The following CASQ1 variants were observed in gnomAD, a reference collection of about 807,000 sequenced individuals.
CASQ1 encodes the protein calsequestrin 1.
In CASQ1, 40 loss-of-function variants were observed where a neutral mutation model predicts 49.5. The observed-to-expected ratio is 0.81, with a 90% CI of 0.63 to 1.05. The LOEUF is 1.05. Ranked by LOEUF, CASQ1 falls within the 50% of genes least tolerant of loss-of-function variation. The probability of loss-of-function intolerance (pLI) is 0.00; values close to 1 mark genes in which losing one functional copy is unlikely to be tolerated. For synonymous variants in CASQ1, 174 were observed against 187.2 expected (o/e 0.93, Z 0.58); for missense variants, 469 against 486.9 (o/e 0.96, Z 0.35).
intron 8 of CASQ1, 63 bp from the exon 9 acceptor site, chr1:160,198,890 T>C: frequency 8.3e-7 from 1 of 1,205,926 alleles, no homozygotes; most frequent in Admixed American, 1.7e-5. Context: ...TCTGCACTCC[T>C]GTTTCACCTG....
chr1:160,199,036 C>A lies in CASQ1; in HGVS notation c.967C>A (p.Pro323Thr), dbSNP rs1654308054. The change falls in exon 9 of 11, where the codon CCT (proline) becomes ACT (threonine). Residue 323 changes from proline to threonine, a missense_variant. Pro to Thr is a conservative substitution (Grantham distance 38). Coordinates refer to ENST00000368078, the MANE Select transcript of CASQ1 (RefSeq NM_001231.5). The stretch of plus-strand genomic sequence containing the variant: ...AGATCTTAGCATCATCTGGATTGAC[C>A]CTGATGACTTCCCCCTGGTAAGAGG... ...NPDLSIIWIDPDDFPLLVPYW... is the reference protein window; with the variant it reads ...NPDLSIIWIDTDDFPLLVPYW... 1 of 1,606,360 alleles carries A rather than the reference C, an allele frequency of 6.2e-7. No individual in the cohort carries two copies. Among genetic ancestry groups the A allele is most frequent in the African/African-American group, 1.3e-5 (1 of 74,728 alleles).
intron 2 of CASQ1, 46 bp downstream of exon 2, chr1:160,192,932 G>C (rs753763380): frequency 2.0e-6 from 3 of 1,532,014 alleles, no homozygotes; most frequent in Non-Finnish European, 2.7e-6. Context: ...ATTGAGACAA[G>C]GGGAGGCTTA....
intron 3 of CASQ1, among the ~76,000 whole-genome samples, chr1:160,194,701 C>A (rs1050024252): frequency 6.6e-6 from 1 of 150,870 alleles, no homozygotes; most frequent in Non-Finnish European, 1.5e-5. Context: ...ACCTACATAC[C>A]GAACACTACA....
chr1:160,195,305 A>C (rs2275703), intron 4 of CASQ1, among the ~76,000 whole-genome samples, 156 bp from the exon 5 acceptor site: 58,213 of 151,768 alleles, frequency 0.38, 12,533 homozygotes, highest in Non-Finnish European at 0.49. Context: ...CCAGACAAGC[A>C]CCTCCAGTAT....
chr1:160,197,001 C>G (rs1654258553), intron 6 of CASQ1, among the ~76,000 whole-genome samples: 1 of 152,168 alleles, frequency 6.6e-6, no homozygotes, highest in Non-Finnish European at 1.5e-5. Context: ...TTATCTGGCT[C>G]CAAATGGCAA....
At chr1:160,192,764 T>A in intron 1 of CASQ1, 38 bp from the exon 2 acceptor site, 1 of 1,584,070 alleles carries the variant, frequency 6.3e-7, no homozygotes, top group South Asian at 1.1e-5. Flanking sequence ...ATAATAAAAA[T>A]TCCAGGGGCT....
intron 3 of CASQ1, 144 bp downstream of exon 3, chr1:160,193,991 A>T (rs774785200): frequency 1.3e-5 from 8 of 605,636 alleles, no homozygotes; most frequent in Non-Finnish European, 2.4e-5. Flanking sequence ...CATACACCAC[A>T]CGCACACACA....
Position 160,195,048 on chromosome 1 carries a change from C to A in CASQ1, c.502C>A (p.Arg168=). The A allele has an allele frequency of 6.2e-7, 1 of 1,612,926 alleles. No homozygotes were observed. Among genetic ancestry groups the A allele is most frequent in the South Asian group, 1.1e-5 (1 of 90,948 alleles). ...EDPVELIEGE[R]ELQAFENIED... ...CCCTGTGGAATTGATTGAAGGTGAA[C>A]GAGAGCTGCAGGCGTTTGAGAATAT... Residue 168 remains arginine, a synonymous_variant, in exon 4 of 11, where the codon CGA becomes AGA. Transcript: ENST00000368078.
In CASQ1 at chr1:160,201,868, A is replaced by G. The variant is rs1053540165; in HGVS notation, c.*492A>G. Reference sequence around the variant, plus strand: ...GGTCAAATGAGAGGCCTCAATAAAGACATCTGGGGCAGCATGAACAAGTGT... The same window carrying G: ...GGTCAAATGAGAGGCCTCAATAAAGGCATCTGGGGCAGCATGAACAAGTGT... On this transcript the variant is annotated 3_prime_UTR_variant, in exon 11 of 11. Coordinates refer to ENST00000368078, the MANE Select transcript of CASQ1 (RefSeq NM_001231.5). 6.3e-6 allele frequency: 1 copy of G among 157,886 alleles called. No homozygotes were observed. Among genetic ancestry groups the G allele is most frequent in the Non-Finnish European group, 1.4e-5 (1 of 71,172 alleles). The allele number at this position is 157,886 out of a possible 1,614,324, so 9.8% of individuals were successfully genotyped here. A position where few individuals can be genotyped will look rare whatever the true frequency, so the allele number is the denominator to read the frequency against.
chr1:160,197,745 G>T, intron 7 of CASQ1, 131 bp downstream of exon 7: 1 of 692,854 alleles, frequency 1.4e-6, no homozygotes, highest in Admixed American at 2.1e-5. Context: ...CCAGCTGGGT[G>T]TGGTGGCTCA....
At chr1:160,193,580 G>C (rs1654130335) in intron 2 of CASQ1, among the ~76,000 whole-genome samples, 167 bp from the exon 3 acceptor site, 1 of 152,104 alleles carries the variant, frequency 6.6e-6, no homozygotes, top group South Asian at 2.1e-4. Context: ...CAGGCCTGTC[G>C]GCCTCTGGGT....
intron 1 of CASQ1, among the ~76,000 whole-genome samples, chr1:160,192,222 G>A (rs2101671097): frequency 6.6e-6 from 1 of 152,038 alleles, no homozygotes; most frequent in Admixed American, 6.5e-5. Flanking sequence ...GAACTGTCCG[G>A]TCGCTGTCAG....
rs1654274062 is a variant in CASQ1, at chr1:160,197,669, TCAAGTCCTAGAAAAACCCCACCCTAC to T, written c.828+56_828+81del. On this transcript the variant is annotated intron_variant, in intron 7 of 10. Transcript: ENST00000368078. ...CAGGGAAGCATGGGTGCCAGAAGACTCAAGTCCTAGAAAAACCCCACCCTACTGCTCCTCAGGCCCATTTTTAGAAA... is the reference window on the plus strand; with the variant it reads ...CAGGGAAGCATGGGTGCCAGAAGACTTGCTCCTCAGGCCCATTTTTAGAAA... 57 of 1,275,390 alleles carry T rather than the reference TCAAGTCCTAGAAAAACCCCACCCTAC, an allele frequency of 4.5e-5. 2 individuals carry two copies. The Middle Eastern group carries it at 1.7e-3, about 37-fold the overall frequency. 79.0% of individuals were successfully genotyped at this position (1,275,390 alleles called of 1,614,324 possible).
chr1:160,196,085 CTG>C lies in CASQ1; in HGVS notation c.782+63_782+64del, dbSNP rs1654220271. ...CGGCTCCTCCTTGGGCTAGAACACA[CTG>C]TGTGAGATGGGCTGGGGAAAGCTTA... On this transcript the variant is annotated intron_variant, in intron 6 of 10. Transcript: ENST00000368078. 6 of 1,567,400 alleles carry C rather than the reference CTG, an allele frequency of 3.8e-6. No individual in the cohort carries two copies. In the Admixed American group the frequency reaches 1.0e-4, roughly 27 times the overall value.
intron 9 of CASQ1, 100 bp downstream of exon 9, chr1:160,199,153 C>G: frequency 9.9e-6 from 8 of 810,860 alleles, no homozygotes; most frequent in Non-Finnish European, 1.7e-5. Context: ...TCCCCACCTC[C>G]TAGCTGGGGG....
At chr1:160,201,179 G>A in intron 10 of CASQ1, 66 bp from the exon 11 acceptor site, 2 of 1,539,258 alleles carry the variant, frequency 1.3e-6, no homozygotes, top group African/African-American at 1.4e-5. Flanking sequence ...AGTCCAGTGA[G>A]TGGGAAGACA....
rs749752852 is a variant in CASQ1, at chr1:160,193,729, G to A, written c.365-18G>A. The A allele has an allele frequency of 6.9e-6, 10 of 1,442,940 alleles. No homozygotes were observed. The highest frequency in any genetic ancestry group is 1.8e-5 in the Admixed American group (1 of 56,200). 89.4% of individuals were successfully genotyped at this position (1,442,940 alleles called of 1,614,324 possible). ...TCATGGCTCACTACCCCACCCCTGCGCCCGGCTCACTCCCTAGGCCTAACT... is the reference window on the plus strand; with the variant it reads ...TCATGGCTCACTACCCCACCCCTGCACCCGGCTCACTCCCTAGGCCTAACT... On this transcript the variant is annotated intron_variant, in intron 2 of 10. Transcript: ENST00000368078.
chr1:160,201,161 A>T, intron 10 of CASQ1, 84 bp from the exon 11 acceptor site: 1 of 1,373,698 alleles, frequency 7.3e-7, no homozygotes, highest in Non-Finnish European at 1.0e-6. Flanking sequence ...GTAGGGAAGG[A>T]TGTACAGAGT....
In CASQ1 at chr1:160,198,956, G is replaced by A. The variant is rs1654306122; in HGVS notation, c.887G>A (p.Gly296Asp). The A allele has an allele frequency of 1.2e-6, 2 of 1,604,134 alleles. No homozygotes were observed. Among genetic ancestry groups the A allele is most frequent in the South Asian group, 1.1e-5 (1 of 90,892 alleles). ...VAFAEEADPD[G>D]FEFLETLKAV... is the part of the protein sequence containing the mutation. The stretch of plus-strand genomic sequence containing the variant: ...TTGTACTTGTGTTCCCTCCAAGATG[G>A]TTTCGAGTTCTTAGAGACTCTCAAG... The change falls in exon 9 of 11, where the codon GGT (glycine) becomes GAT (aspartate). Residue 296 changes from glycine to aspartate, a missense_variant. Physicochemically the swap from Gly to Asp is moderately conservative, Grantham distance 94 (BLOSUM62 -1). Transcript: ENST00000368078.
Sources: allele counts gnomAD v4.1 joint callset (sites outside exome capture counted in the v4.1 genomes callset), GRCh38; gene constraint gnomAD v4.1.1; transcripts MANE v1.5; gene names NCBI Gene and HGNC (gene_info 2026-07-23, HGNC 2026-07-21).